Variants in SDK1 observed in about 807,000 individuals in gnomAD.
SDK1 encodes protein sidekick-1.
Under a neutral mutation model 245.5 loss-of-function variants are expected in SDK1, and 157 were observed. The observed-to-expected ratio is 0.64, with a 90% CI of 0.56 to 0.73. SDK1 has a LOEUF of 0.73. Ranked by LOEUF, SDK1 falls within the 30% of genes least tolerant of loss-of-function variation. The pLI, the probability that SDK1 is intolerant of heterozygous loss-of-function variation, is 0.00. For synonymous variants in SDK1, 1,647 were observed against 1,278.5 expected (o/e 1.29, Z -6.15); for missense variants, 3,583 against 3,002.3 (o/e 1.19, Z -4.52).
At chr7:3,317,529 C>A (rs186887849) in intron 1 of SDK1, among the ~76,000 whole-genome samples, 5 of 151,976 alleles carry the variant, frequency 3.3e-5, no homozygotes, top group Admixed American at 3.3e-4. Context: ...GTGTGCTGTT[C>A]CCTGGGTGCC....
chr7:3,574,482 G>A (rs747940210), intron 1 of SDK1, among the ~76,000 whole-genome samples: 5 of 152,012 alleles, frequency 3.3e-5, no homozygotes, highest in East Asian at 1.9e-4. Context: ...ATGGCAGAAC[G>A]TAGGTTTAAG....
At chr7:3,320,280 A>AT (rs34831320) in intron 1 of SDK1, among the ~76,000 whole-genome samples, 45,224 of 148,206 alleles carry the variant, frequency 0.31, 7,280 homozygotes, top group African/African-American at 0.42. Context: ...TTTTTTTTCT[A>AT]TTTTTTTCCC....
intron 1 of SDK1, among the ~76,000 whole-genome samples, chr7:3,419,270 T>C (rs984868498): frequency 6.6e-6 from 1 of 152,238 alleles, no homozygotes; most frequent in Non-Finnish European, 1.5e-5. Flanking sequence ...CATTTGAACC[T>C]AGGCATCCTG....
At chr7:3,863,875 G>C (rs1020023263) in intron 5 of SDK1, among the ~76,000 whole-genome samples, 1 of 152,170 alleles carries the variant, frequency 6.6e-6, no homozygotes, top group Non-Finnish European at 1.5e-5. Context: ...TGGCTGTTGT[G>C]AATCTGCTGC....
At chr7:3,443,763 C>T (rs1467832799) in intron 1 of SDK1, among the ~76,000 whole-genome samples, 1 of 152,150 alleles carries the variant, frequency 6.6e-6, no homozygotes, top group African/African-American at 2.4e-5. Flanking sequence ...TGGTGGTCAG[C>T]AGCGTAATGG....
chr7:4,122,532 C>T (rs73048305), intron 25 of SDK1, among the ~76,000 whole-genome samples: 4,572 of 152,206 alleles, frequency 0.03, 95 homozygotes, highest in Admixed American at 0.043. Flanking sequence ...GCAGAATGCT[C>T]GGAGCCACAT....
chr7:3,656,826 C>G (rs1028611082), intron 4 of SDK1, among the ~76,000 whole-genome samples: 4 of 151,446 alleles, frequency 2.6e-5, no homozygotes, highest in Admixed American at 6.6e-5. Flanking sequence ...CGGCTCACTG[C>G]AAGCTCCGCC....
intron 35 of SDK1, among the ~76,000 whole-genome samples, chr7:4,193,618 T>C (rs950899450): frequency 6.6e-6 from 1 of 152,030 alleles, no homozygotes; most frequent in Non-Finnish European, 1.5e-5. Context: ...ACTTTAATAG[T>C]AGACACCTGG....
intron 5 of SDK1, among the ~76,000 whole-genome samples, chr7:3,842,558 G>T (rs1780185007): frequency 6.6e-6 from 1 of 152,156 alleles, no homozygotes; most frequent in African/African-American, 2.4e-5. Context: ...TGGAGCAGAA[G>T]AAATCTGTCT....
intron 1 of SDK1, among the ~76,000 whole-genome samples, chr7:3,378,210 C>G (rs1441835539): frequency 6.6e-6 from 1 of 152,196 alleles, no homozygotes; most frequent in Admixed American, 6.5e-5. Flanking sequence ...ATTGTTCTGT[C>G]TTCCAAGAGT....
At chr7:3,950,316 A>G (rs1780752059) in intron 5 of SDK1, among the ~76,000 whole-genome samples, 1 of 152,118 alleles carries the variant, frequency 6.6e-6, no homozygotes, top group African/African-American at 2.4e-5. Context: ...TGGGTTTCCT[A>G]TTAGCGTGAC....
chr7:3,645,553 A>G (rs1055766514), intron 4 of SDK1, among the ~76,000 whole-genome samples: 1 of 152,232 alleles, frequency 6.6e-6, no homozygotes, highest in African/African-American at 2.4e-5. Context: ...ATGAATATTA[A>G]ATGATCACAT....
chr7:3,982,428 T>C (rs1783481017), intron 13 of SDK1, among the ~76,000 whole-genome samples: 1 of 152,336 alleles, frequency 6.6e-6, no homozygotes, highest in East Asian at 1.9e-4. Context: ...TCAAGTCCCA[T>C]TATTTAAGGA....
At chr7:4,016,884 A>G (rs1386745354) in intron 16 of SDK1, among the ~76,000 whole-genome samples, 1 of 152,198 alleles carries the variant, frequency 6.6e-6, no homozygotes, top group African/African-American at 2.4e-5. Flanking sequence ...GTCCTAAGTC[A>G]CTGTAGTCCC....
At chr7:4,110,834 C>T (rs1396649641) in intron 23 of SDK1, 62 bp downstream of exon 23, 3 of 1,143,336 alleles carry the variant, frequency 2.6e-6, no homozygotes, top group Non-Finnish European at 4.0e-6. Flanking sequence ...CAGGTGCCTT[C>T]TGTTGGCAAT....
chr7:4,221,135 C>A, intron 39 of SDK1, 104 bp from the exon 40 acceptor site: 2 of 1,397,632 alleles, frequency 1.4e-6, no homozygotes, highest in Non-Finnish European at 2.0e-6. Flanking sequence ...CCCAGACACT[C>A]TGCAGCCTCG....
At chr7:4,126,028 C>A (rs1162364874) in intron 25 of SDK1, among the ~76,000 whole-genome samples, 1 of 152,192 alleles carries the variant, frequency 6.6e-6, no homozygotes, top group South Asian at 2.1e-4. Context: ...AGTATCCTCC[C>A]AGAACCTCCG....
At chr7:3,881,303 T>TC (rs1781203742) in intron 5 of SDK1, among the ~76,000 whole-genome samples, 1 of 152,106 alleles carries the variant, frequency 6.6e-6, no homozygotes, top group Non-Finnish European at 1.5e-5. Flanking sequence ...CCGCCATGTG[T>TC]CCATGTATTC....
chr7:3,801,310 G>C (rs1779100788), intron 4 of SDK1, among the ~76,000 whole-genome samples: 5 of 152,038 alleles, frequency 3.3e-5, no homozygotes, highest in Admixed American at 2.0e-4. Context: ...ACTTCTCTTT[G>C]GAGCATAGTG....
Sources: gnomAD v4.1 joint callset for allele counts (sites outside exome capture counted in the v4.1 genomes callset) on GRCh38, gnomAD v4.1.1 for gene constraint, MANE v1.5 for transcripts, NCBI Gene and HGNC (gene_info 2026-07-23, HGNC 2026-07-21) for gene names.